Variants in CNKSR2 observed in about 807,000 individuals in gnomAD.
The protein encoded by CNKSR2 is connector enhancer of kinase suppressor of Ras 2, also known as CNK homolog protein 2.
In CNKSR2, 14 loss-of-function variants were observed where a neutral mutation model predicts 84.4. The observed-to-expected ratio is 0.17, with a 90% confidence interval of 0.11 to 0.26. The LOEUF (loss-of-function observed/expected upper bound fraction) is 0.26. Ranked by LOEUF, CNKSR2 falls within the 10% of genes least tolerant of loss-of-function variation. CNKSR2 has a pLI of 1.00. For missense variants in CNKSR2, 485 were observed against 771.2 expected (o/e 0.63, Z 4.40); for synonymous variants, 275 against 277.9 (o/e 0.99, Z 0.10).
intron 3 of CNKSR2, among the ~76,000 whole-genome samples, chrX:21,436,769 A>G (rs1173889752): frequency 1.8e-5 from 2 of 110,761 alleles, no homozygotes. Context: ...TTCTACAGAG[A>G]TCTATCGTTT....
chrX:21,471,856 G>A (rs1569189101), intron 5 of CNKSR2, among the ~76,000 whole-genome samples: 1 of 111,515 alleles, frequency 9.0e-6, no homozygotes, highest in Admixed American at 9.5e-5. Context: ...ACTCCCTCAC[G>A]TTGATCTACC....
At chrX:21,580,184 A>G (rs918629473) in intron 13 of CNKSR2, among the ~76,000 whole-genome samples, 6 of 112,144 alleles carry the variant, frequency 5.4e-5, no homozygotes, top group Non-Finnish European at 7.5e-5. Context: ...AGTCTGAATT[A>G]TATATCTCAA....
chrX:21,435,113 A>C (rs2090686130), intron 3 of CNKSR2, among the ~76,000 whole-genome samples: 1 of 109,092 alleles, frequency 9.2e-6, no homozygotes, highest in Admixed American at 1.0e-4. Flanking sequence ...CTTTATTTAC[A>C]TTTTGCTATT....
chrX:21,621,282 G>T lies in CNKSR2; in HGVS notation c.2692+11665G>T, dbSNP rs750358972. On this transcript the variant is annotated intron_variant, in intron 20 of 21. Coordinates refer to ENST00000379510, the MANE Select transcript of CNKSR2 (RefSeq NM_014927.5). The stretch of plus-strand genomic sequence containing the variant: ...ATTAGTTTTAACCTGCTCACTGTTG[G>T]CTCATATAATGCTTTAATGTTATCA... 3.6e-5 allele frequency among the ~76,000 whole-genome samples: 4 copies of T among 111,268 alleles called. No individual in the cohort carries two copies. The East Asian group carries it at 1.1e-3, about 31-fold the overall frequency.
At chrX:21,552,042 G>A (rs1175213642) in intron 11 of CNKSR2, among the ~76,000 whole-genome samples, 2 of 108,165 alleles carry the variant, frequency 1.8e-5, no homozygotes, top group Non-Finnish European at 3.8e-5. Flanking sequence ...ACATCCCCTG[G>A]AGCAGGAGAC....
intron 19 of CNKSR2, among the ~76,000 whole-genome samples, chrX:21,607,798 T>C (rs965471958): frequency 1.8e-5 from 2 of 109,960 alleles, no homozygotes; most frequent in Non-Finnish European, 3.8e-5. Context: ...AGTGAGACTG[T>C]GTCTCAAAAT....
intron 8 of CNKSR2, among the ~76,000 whole-genome samples, chrX:21,508,717 T>G (rs1159034912): frequency 1.8e-5 from 2 of 111,793 alleles, no homozygotes; most frequent in African/African-American, 6.5e-5. Context: ...CCCACAGCTT[T>G]GGAATCAGCT....
intron 1 of CNKSR2, among the ~76,000 whole-genome samples, chrX:21,421,347 T>G (rs2147040943): frequency 9.4e-6 from 1 of 106,781 alleles, no homozygotes; most frequent in East Asian, 3.0e-4. Flanking sequence ...AAGTTAAAAC[T>G]GGGTACTGTG....
chrX:21,414,310 T>A (rs898974737), intron 1 of CNKSR2, among the ~76,000 whole-genome samples: 13 of 111,606 alleles, frequency 1.2e-4, no homozygotes, highest in Admixed American at 1.0e-3. Context: ...TTTGCATTTC[T>A]GTGATGGTCA....
chrX:21,494,765 G>A (rs2091476123), intron 6 of CNKSR2: 1 of 111,748 alleles, frequency 8.9e-6, no homozygotes, highest in Non-Finnish European at 1.9e-5. Context: ...ATTATAATGA[G>A]CAAAGGCTTA....
intron 5 of CNKSR2, among the ~76,000 whole-genome samples, chrX:21,482,040 T>A (rs925409130): frequency 2.7e-5 from 3 of 112,078 alleles, no homozygotes; most frequent in Non-Finnish European, 5.6e-5. Context: ...AGAATGTGTG[T>A]TTCTTTAAGC....
chrX:21,457,957 A>G (rs1207293605), intron 4 of CNKSR2, among the ~76,000 whole-genome samples: 2 of 112,229 alleles, frequency 1.8e-5, no homozygotes, highest in Admixed American at 1.9e-4. Flanking sequence ...CTGTGCTGCT[A>G]TTGTAGATTT....
intron 4 of CNKSR2, among the ~76,000 whole-genome samples, chrX:21,443,616 A>G (rs1478840769): frequency 9.0e-6 from 1 of 111,608 alleles, no homozygotes; most frequent in African/African-American, 3.2e-5. Context: ...AAAACATTTT[A>G]CAGAAAACTG....
chrX:21,437,256 C>T (rs1366519918), intron 3 of CNKSR2, among the ~76,000 whole-genome samples: 1 of 110,622 alleles, frequency 9.0e-6, no homozygotes, highest in African/African-American at 3.3e-5. Flanking sequence ...CTGTGCATCA[C>T]CTCATCACTT....
At chrX:21,524,519 T>G (rs1448110965) in intron 9 of CNKSR2, among the ~76,000 whole-genome samples, 2 of 111,060 alleles carry the variant, frequency 1.8e-5, no homozygotes, top group African/African-American at 6.5e-5. Context: ...ATTACATTTC[T>G]TGGAAGGGAA....
At chrX:21,454,715 G>A (rs2090976357) in intron 4 of CNKSR2, among the ~76,000 whole-genome samples, 1 of 112,122 alleles carries the variant, frequency 8.9e-6, no homozygotes, top group South Asian at 3.7e-4. Flanking sequence ...ATAACAGAGT[G>A]GATCTTCAGA....
intron 1 of CNKSR2, among the ~76,000 whole-genome samples, chrX:21,416,844 G>C (rs988085417): frequency 3.2e-5 from 3 of 93,768 alleles, no homozygotes; most frequent in Non-Finnish European, 5.7e-5. Flanking sequence ...TCTAGCCAAA[G>C]GTTTGTCAAC....
At chrX:21,558,430 A>G (rs1053455160) in intron 11 of CNKSR2, among the ~76,000 whole-genome samples, 4 of 110,974 alleles carry the variant, frequency 3.6e-5, no homozygotes, top group Non-Finnish European at 7.6e-5. Flanking sequence ...TTTATAACTA[A>G]TAAAAGCAAA....
At chrX:21,410,040 G>A (rs2090322166) in intron 1 of CNKSR2, among the ~76,000 whole-genome samples, 1 of 108,662 alleles carries the variant, frequency 9.2e-6, no homozygotes, top group Admixed American at 9.9e-5. Flanking sequence ...GTCTGTGTGT[G>A]TGTGTGTGTG....
Sources: gnomAD v4.1 joint callset for allele counts (sites outside exome capture counted in the v4.1 genomes callset) on GRCh38, gnomAD v4.1.1 for gene constraint, MANE v1.5 for transcripts, NCBI Gene and HGNC (gene_info 2026-07-23, HGNC 2026-07-21) for gene names.